Variants in TMEM8B observed in about 807,000 individuals in gnomAD.
The protein encoded by TMEM8B is nasopharyngeal carcinoma expressed 6.
In TMEM8B, 29 loss-of-function variants were observed where a neutral mutation model predicts 49.3. The observed-to-expected ratio is 0.59, with a 90% CI of 0.44 to 0.80. The LOEUF is 0.80. Among genes scored for constraint, TMEM8B ranks in the 30% least tolerant of loss-of-function variants. The pLI is 0.00. For missense variants in TMEM8B, 575 were observed against 658.5 expected, an observed-to-expected ratio of 0.87 and a Z score of 1.39; for synonymous variants, 264 against 272.8, an observed-to-expected ratio of 0.97 and a Z score of 0.32.
intron 3 of TMEM8B, among the ~76,000 whole-genome samples, chr9:35,840,181 T>A (rs1285763173): frequency 6.6e-6 from 1 of 152,046 alleles, no homozygotes; most frequent in Admixed American, 6.6e-5. Context: ...AGCCATGGGG[T>A]GTCAACAGAG....
chr9:35,831,833 G>A (rs1342806688), intron 1 of TMEM8B, among the ~76,000 whole-genome samples: 1 of 152,228 alleles, frequency 6.6e-6, no homozygotes, highest in African/African-American at 2.4e-5. Flanking sequence ...GCTGCCTTTA[G>A]TGCTGTTAAT....
At position 35,853,829 on chromosome 9, in the gene TMEM8B, TG is replaced by T; in HGVS notation, c.2765del (p.Cys922LeufsTer15). ...GPGGATVSSICAS is the reference protein window; with the variant it reads ...GPGGATVSSIXAS Reference sequence around the variant, plus strand: ...AGGAGGGGCCACTGTCAGCAGCATCTGTGCCAGCTGAGAGGGGCTTTGGGCC... The same window carrying T: ...AGGAGGGGCCACTGTCAGCAGCATCTTGCCAGCTGAGAGGGGCTTTGGGCC... On this transcript the variant is annotated frameshift_variant, in exon 13 of 13. Coordinates refer to ENST00000643932, the MANE Select transcript of TMEM8B (RefSeq NM_001042590.4). LOFTEE classifies it high-confidence loss of function. The surrounding 1 kb of genome is among the most constrained non-coding windows in gnomAD (Gnocchi z 4.2). 6.5e-7 allele frequency: 1 copy of T among 1,539,120 alleles called. No individual in the cohort carries two copies. The highest frequency in any genetic ancestry group is 8.7e-7 in the Non-Finnish European group (1 of 1,146,834).
chr9:35,863,488 T>TGTTACAG lies in TMEM8B; in HGVS notation c.*9650_*9651insTACAGGT, dbSNP rs1278545434. On this transcript the variant is annotated 3_prime_UTR_variant, in exon 13 of 13. Transcript: ENST00000643932. ...TTACCAGGTTGCCTACAGCTTTGCC[T>TGTTACAG]GTAACATGGGCACAGGCTGGGACAT... is the stretch of plus-strand genomic sequence containing the variant. 4 of 152,268 alleles carry TGTTACAG rather than the reference T, an allele frequency of 2.6e-5. No individual in the cohort carries two copies. Among genetic ancestry groups the TGTTACAG allele is most frequent in the African/African-American group, 7.2e-5 (3 of 41,474 alleles). 9.4% of individuals were successfully genotyped at this position (152,268 alleles called of 1,614,324 possible).
chr9:35,842,649 T>A lies in TMEM8B; in HGVS notation c.1567T>A (p.Phe523Ile). Reference sequence around the variant, plus strand: ...CCTTCCCCCTGAGCGCCCAGCCGTGTTCGCCATGAGGCTGTTGCCAGTGCT... The same window carrying A: ...CCTTCCCCCTGAGCGCCCAGCCGTGATCGCCATGAGGCTGTTGCCAGTGCT... ...VALPPERPAVFAMRLLPVLDS... is the reference protein window; with the variant it reads ...VALPPERPAVIAMRLLPVLDS... Residue 523 changes from phenylalanine to isoleucine, a missense_variant, in exon 6 of 13, where the codon TTC (phenylalanine) becomes ATC (isoleucine). Physicochemically the swap from Phe to Ile is conservative, Grantham distance 21. Coordinates refer to ENST00000643932, the MANE Select transcript of TMEM8B (RefSeq NM_001042590.4). The surrounding 1 kb of genome is among the most constrained non-coding windows in gnomAD (Gnocchi z 5.6). 2 of 1,614,196 alleles carry A rather than the reference T, an allele frequency of 1.2e-6. No individual in the cohort carries two copies. Among genetic ancestry groups the A allele is most frequent in the Non-Finnish European group, 1.7e-6 (2 of 1,180,016 alleles).
At position 35,846,319 on chromosome 9, in the gene TMEM8B, C is replaced by A. The variant is rs767203224; in HGVS notation, c.1791C>A (p.Ile597=). The change falls in exon 8 of 13, where the codon ATC becomes ATA. Residue 597 remains isoleucine, a synonymous_variant. Transcript: ENST00000643932. ...SATTRVARLR[I]PFPQTGTWFL... is the part of the protein sequence containing the mutation. Reference sequence around the variant, plus strand: ...CCACCAGGGTTGCCAGGCTGCGAATCCCATTCCCGCAGACGGGGACCTGGT... The same window carrying A: ...CCACCAGGGTTGCCAGGCTGCGAATACCATTCCCGCAGACGGGGACCTGGT... The A allele has an allele frequency of 6.2e-7, 1 of 1,614,212 alleles. No individual in the cohort carries two copies. Among genetic ancestry groups the A allele is most frequent in the Non-Finnish European group, 8.5e-7 (1 of 1,180,048 alleles).
rs1830767124 is a variant in TMEM8B, at chr9:35,839,554, A to G, written c.907-1580A>G. Among the ~76,000 whole-genome samples, 3 of 152,326 alleles carry G rather than the reference A, an allele frequency of 2.0e-5. No homozygotes were observed. In the South Asian group the frequency reaches 6.2e-4, roughly 32 times the overall value. On this transcript the variant is annotated intron_variant, in intron 3 of 12. Transcript: ENST00000643932. Reference sequence around the variant, plus strand: ...TTGAAGGAAGGAGCACGTCTTAACCAAACAGGTCATGTCCACTGATCTTTC... The same window carrying G: ...TTGAAGGAAGGAGCACGTCTTAACCGAACAGGTCATGTCCACTGATCTTTC...
rs1323935140 is a variant in TMEM8B at position 35,842,649 on chromosome 9, T to C, written c.1567T>C (p.Phe523Leu). The change falls in exon 6 of 13, where the codon TTC becomes CTC. Residue 523 changes from phenylalanine to leucine, a missense_variant. Phe to Leu is a conservative substitution (Grantham distance 22, BLOSUM62 0). Coordinates refer to ENST00000643932, the MANE Select transcript of TMEM8B (RefSeq NM_001042590.4). The surrounding 1 kb of genome is among the most constrained non-coding windows in gnomAD (Gnocchi z 5.6). Reference protein sequence around the residue: ...VALPPERPAVFAMRLLPVLDS... With the variant: ...VALPPERPAVLAMRLLPVLDS... ...CCTTCCCCCTGAGCGCCCAGCCGTG[T>C]TCGCCATGAGGCTGTTGCCAGTGCT... 6.2e-7 allele frequency: 1 copy of C among 1,614,196 alleles called. No homozygotes were observed. Among genetic ancestry groups the C allele is most frequent in the South Asian group, 1.1e-5 (1 of 91,088 alleles).
chr9:35,831,873 G>A (rs1218013550), intron 1 of TMEM8B, among the ~76,000 whole-genome samples: 1 of 152,212 alleles, frequency 6.6e-6, no homozygotes, highest in Non-Finnish European at 1.5e-5. Flanking sequence ...TTGGACCAAA[G>A]TACAGGGTGC....
At chr9:35,839,033 C>T (rs1439743161) in intron 3 of TMEM8B, among the ~76,000 whole-genome samples, 1 of 152,232 alleles carries the variant, frequency 6.6e-6, no homozygotes, top group Non-Finnish European at 1.5e-5. Context: ...TTTGCTTCTA[C>T]ACTGATTGGT....
rs984827222 is a variant in TMEM8B, at chr9:35,842,988, A to T, written c.1635+271A>T. On this transcript the variant is annotated intron_variant, in intron 6 of 12. Transcript: ENST00000643932. The surrounding 1 kb of genome is among the most constrained non-coding windows in gnomAD (Gnocchi z 5.6). The stretch of plus-strand genomic sequence containing the variant: ...ACTTCCTGCTCATTACTGGCCTTTC[A>T]CTACGGTAGTTGTTAACCTTTTCTT... Among the ~76,000 whole-genome samples, 5 of 152,092 alleles carry T rather than the reference A, an allele frequency of 3.3e-5. No homozygotes were observed. Among genetic ancestry groups the T allele is most frequent in the Non-Finnish European group, 7.4e-5 (5 of 68,020 alleles).
intron 3 of TMEM8B, among the ~76,000 whole-genome samples, chr9:35,839,788 C>T (rs920027822): frequency 1.3e-5 from 2 of 152,148 alleles, no homozygotes; most frequent in Non-Finnish European, 2.9e-5. Context: ...GGGTTTGACA[C>T]CAAACCTGAG....
intron 1 of TMEM8B, among the ~76,000 whole-genome samples, 196 bp downstream of exon 1, chr9:35,830,151 C>T (rs1189175666): frequency 1.3e-5 from 2 of 152,156 alleles, no homozygotes; most frequent in African/African-American, 4.8e-5. Context: ...GTTTGAGGCT[C>T]AGCAGGTGGC....
In TMEM8B at chr9:35,862,371, G is replaced by C. The variant is rs532257526; in HGVS notation, c.*8531G>C. 6.6e-6 allele frequency: 1 copy of C among 152,258 alleles called. No individual in the cohort carries two copies. The highest frequency in any genetic ancestry group is 1.5e-5 in the Non-Finnish European group (1 of 68,060). The allele number at this position is 152,258 out of a possible 1,614,324, so 9.4% of individuals were successfully genotyped here. A position where few individuals can be genotyped will look rare whatever the true frequency, so the allele number is the denominator to read the frequency against. On this transcript the variant is annotated 3_prime_UTR_variant, in exon 13 of 13. Transcript: ENST00000643932. The stretch of plus-strand genomic sequence containing the variant: ...TGTTTCTGATGGGGGTGTTGCTGCA[G>C]ACAGAACTATGTCCATCTCAAATTC...
intron 10 of TMEM8B, among the ~76,000 whole-genome samples, chr9:35,849,606 T>C (rs762038752): frequency 3.9e-5 from 6 of 152,194 alleles, no homozygotes; most frequent in Non-Finnish European, 7.3e-5. Context: ...TGAGCCTGAC[T>C]CCAGATCCCT....
intron 1 of TMEM8B, among the ~76,000 whole-genome samples, chr9:35,830,706 G>A (rs1295441060): frequency 6.6e-6 from 1 of 152,132 alleles, no homozygotes; most frequent in Non-Finnish European, 1.5e-5. Context: ...AGACCCAAGT[G>A]GGGAAAGGCT....
At chr9:35,852,056 A>G (rs1018953618) in intron 10 of TMEM8B, among the ~76,000 whole-genome samples, 13 of 152,210 alleles carry the variant, frequency 8.5e-5, no homozygotes, top group African/African-American at 3.1e-4. Flanking sequence ...CAATCTGGAC[A>G]TGGGTTGGAA....
chr9:35,833,985 AGGT>A (rs1830173942), intron 1 of TMEM8B, among the ~76,000 whole-genome samples: 1 of 151,588 alleles, frequency 6.6e-6, no homozygotes, highest in Non-Finnish European at 1.5e-5. Flanking sequence ...CAAGCCCCAC[AGGT>A]GGAGTTTCAG....
intron 3 of TMEM8B, among the ~76,000 whole-genome samples, chr9:35,836,896 C>T (rs933497046): frequency 6.6e-6 from 1 of 152,288 alleles, no homozygotes; most frequent in African/African-American, 2.4e-5. Flanking sequence ...CTTCCATCAG[C>T]CCTGTTTGAG....
Position 35,841,941 on chromosome 9 carries a change from C to T in TMEM8B, c.1309+147C>T. 2.5e-6 allele frequency: 1 copy of T among 408,162 alleles called. No individual in the cohort carries two copies. The highest frequency in any genetic ancestry group is 4.4e-6 in the Non-Finnish European group (1 of 226,074). The allele number at this position is 408,162 out of a possible 1,614,324, so 25.3% of individuals were successfully genotyped here. A position where few individuals can be genotyped will look rare whatever the true frequency, so the allele number is the denominator to read the frequency against. Reference sequence around the variant, plus strand: ...CTTCATGCTCCCTGAAGCCATCACACTTGGAGCTCCAAGTTATTGGAAGGC... The same window carrying T: ...CTTCATGCTCCCTGAAGCCATCACATTTGGAGCTCCAAGTTATTGGAAGGC... On this transcript the variant is annotated intron_variant, in intron 5 of 12. Coordinates refer to ENST00000643932, the MANE Select transcript of TMEM8B (RefSeq NM_001042590.4). The surrounding 1 kb of genome is among the most constrained non-coding windows in gnomAD (Gnocchi z 5.9).
Sources: gnomAD v4.1 joint callset for allele counts (sites outside exome capture counted in the v4.1 genomes callset) on GRCh38, gnomAD v4.1.1 for gene constraint, Gnocchi (gnomAD v3.1) non-coding constraint, MANE v1.5 for transcripts, NCBI Gene and HGNC (gene_info 2026-07-23, HGNC 2026-07-21) for gene names.